Variants in RAB10 observed in about 807,000 individuals in gnomAD.
The protein encoded by RAB10 is RAB10, member RAS oncogene family.
RAB10 carries 5 observed loss-of-function variants against 25.7 expected under a neutral mutation model. The ratio of observed to expected loss-of-function variants is 0.19; its 90% CI spans 0.10 to 0.41. The LOEUF is 0.41. Among genes scored for constraint, RAB10 ranks in the 10% least tolerant of loss-of-function variants. RAB10 has a pLI of 1.00. For missense variants in RAB10, 103 were observed against 245.8 expected (o/e 0.42, Z 3.89); for synonymous variants, 89 against 86.4 (o/e 1.03, Z -0.16).
chr2:26,040,894 A>G (rs1574523242), intron 1 of RAB10, among the ~76,000 whole-genome samples: 1 of 152,202 alleles, frequency 6.6e-6, no homozygotes, highest in South Asian at 2.1e-4. Context: ...ATACATCCGT[A>G]TTAGAAATTA....
At chr2:26,049,186 C>CT (rs1314869793) in intron 1 of RAB10, among the ~76,000 whole-genome samples, 4,008 of 125,428 alleles carry the variant, frequency 0.032, 156 homozygotes, top group African/African-American at 0.089. Flanking sequence ...TGGAGGTCGA[C>CT]TTTTTTTTTT....
intron 1 of RAB10, among the ~76,000 whole-genome samples, chr2:26,035,687 C>T (rs887878515): frequency 7.9e-5 from 12 of 152,206 alleles, no homozygotes; most frequent in African/African-American, 2.4e-4. Context: ...TTAAAAGACA[C>T]ATGGCTCTCA....
chr2:26,100,758 GA>G (rs1667323850), intron 2 of RAB10, among the ~76,000 whole-genome samples: 2 of 151,960 alleles, frequency 1.3e-5, no homozygotes, highest in Admixed American at 6.6e-5. Context: ...TTTATTTTAA[GA>G]AGACCTGGAT....
intron 1 of RAB10, among the ~76,000 whole-genome samples, chr2:26,069,732 G>GTCTC (rs1553725530): frequency 2.0e-5 from 3 of 151,076 alleles, no homozygotes; most frequent in Non-Finnish European, 4.4e-5. Context: ...TTGAGATGGG[G>GTCTC]TCTCACTCTG....
In RAB10 at chr2:26,136,637, T is replaced by C. The variant is rs1668118721; in HGVS notation, c.*1616T>C. The C allele has an allele frequency of 6.6e-6, 1 of 152,648 alleles. No individual in the cohort carries two copies. 9.5% of individuals were successfully genotyped at this position (152,648 alleles called of 1,614,324 possible). On this transcript the variant is annotated 3_prime_UTR_variant, in exon 6 of 6. Transcript: ENST00000264710. The stretch of plus-strand genomic sequence containing the variant: ...TTTGTTGAAAGAATTGTGAATAGCA[T>C]GATTCATTTCTAGCAGAGGCTGAGT...
At chr2:26,042,425 C>T (rs1255113687) in intron 1 of RAB10, among the ~76,000 whole-genome samples, 1 of 151,962 alleles carries the variant, frequency 6.6e-6, no homozygotes, top group African/African-American at 2.4e-5. Flanking sequence ...AGCTTGAGCT[C>T]AGGAGTTCGA....
chr2:26,116,064 A>G (rs1402100996), intron 3 of RAB10, among the ~76,000 whole-genome samples: 1 of 152,016 alleles, frequency 6.6e-6, no homozygotes, highest in Non-Finnish European at 1.5e-5. Context: ...GGATTTCACC[A>G]TCTTGGTCAG....
At chr2:26,132,618 C>T (rs2149291086) in intron 5 of RAB10, among the ~76,000 whole-genome samples, 1 of 152,226 alleles carries the variant, frequency 6.6e-6, no homozygotes, top group South Asian at 2.1e-4. Context: ...TTGTTTATTC[C>T]TTTGCCCAAT....
intron 1 of RAB10, among the ~76,000 whole-genome samples, chr2:26,094,742 A>T (rs1055545178): frequency 6.6e-6 from 1 of 152,026 alleles, no homozygotes; most frequent in African/African-American, 2.4e-5. Context: ...TATTTTTAGT[A>T]GAGACGGAGT....
chr2:26,078,127 G>GGT (rs1666779641), intron 1 of RAB10, among the ~76,000 whole-genome samples: 1 of 152,104 alleles, frequency 6.6e-6, no homozygotes. Flanking sequence ...TTTAACACAA[G>GGT]AAGTATAAGA....
Position 26,127,965 on chromosome 2 carries a change from T to A in RAB10, c.519+14T>A. On this transcript the variant is annotated intron_variant, in intron 5 of 5. Transcript: ENST00000264710. Reference sequence around the variant, plus strand: ...ATCCTTCGAAAGGTAAGTTCCTGTTTTTATATCCTGCCAGGTACCTGAGTA... The same window carrying A: ...ATCCTTCGAAAGGTAAGTTCCTGTTATTATATCCTGCCAGGTACCTGAGTA... The A allele has an allele frequency of 6.5e-7, 1 of 1,545,676 alleles. No individual in the cohort carries two copies. Among genetic ancestry groups the A allele is most frequent in the South Asian group, 1.1e-5 (1 of 89,668 alleles).
At chr2:26,043,042 C>A (rs1471090975) in intron 1 of RAB10, among the ~76,000 whole-genome samples, 1 of 152,060 alleles carries the variant, frequency 6.6e-6, no homozygotes, top group Non-Finnish European at 1.5e-5. Context: ...CAGTGAGAAA[C>A]AATAGGGTGG....
intron 1 of RAB10, among the ~76,000 whole-genome samples, chr2:26,075,133 A>G (rs1222163116): frequency 6.6e-6 from 1 of 152,194 alleles, no homozygotes; most frequent in African/African-American, 2.4e-5. Flanking sequence ...GGCTTCCTGG[A>G]GAGCAAAATA....
chr2:26,105,488 C>G (rs977894340), intron 2 of RAB10, among the ~76,000 whole-genome samples: 9 of 152,056 alleles, frequency 5.9e-5, no homozygotes, highest in Non-Finnish European at 1.3e-4. Context: ...AACCCCATCT[C>G]TACTAAAAAT....
At chr2:26,103,322 CAT>C (rs1329636909) in intron 2 of RAB10, among the ~76,000 whole-genome samples, 1 of 152,168 alleles carries the variant, frequency 6.6e-6, no homozygotes, top group African/African-American at 2.4e-5. Flanking sequence ...AGAAACCAGT[CAT>C]ATGCAGGTAG....
intron 1 of RAB10, among the ~76,000 whole-genome samples, chr2:26,086,017 AG>A (rs1376178404): frequency 1.4e-5 from 1 of 71,456 alleles, no homozygotes; most frequent in African/African-American, 5.7e-5. Flanking sequence ...AAAAAAAAAA[AG>A]GGGGGGGGCA....
intron 1 of RAB10, among the ~76,000 whole-genome samples, chr2:26,091,401 G>A (rs930068571): frequency 6.6e-6 from 1 of 152,070 alleles, no homozygotes; most frequent in Non-Finnish European, 1.5e-5. Context: ...GAGGTTAGGG[G>A]AATAGTACCT....
At chr2:26,134,480 C>T (rs1295340927) in intron 5 of RAB10, among the ~76,000 whole-genome samples, 1 of 152,166 alleles carries the variant, frequency 6.6e-6, no homozygotes, top group Non-Finnish European at 1.5e-5. Context: ...TTCACTTAAT[C>T]AGTTGAGGTT....
At chr2:26,127,055 C>A (rs1667922599) in intron 3 of RAB10, 89 bp from the exon 4 acceptor site, 1 of 961,300 alleles carries the variant, frequency 1.0e-6, no homozygotes, top group Non-Finnish European at 1.6e-6. Flanking sequence ...AGAAATGACC[C>A]TCTAAATTGA....
Sources: gnomAD v4.1 joint callset for allele counts (sites outside exome capture counted in the v4.1 genomes callset) on GRCh38, gnomAD v4.1.1 for gene constraint, MANE v1.5 for transcripts, NCBI Gene and HGNC (gene_info 2026-07-23, HGNC 2026-07-21) for gene names.